Variants in CCHCR1 observed in about 807,000 individuals in gnomAD.
CCHCR1 encodes the protein HCR (a-helix coiled-coil rod homologue).
In CCHCR1, 91 loss-of-function variants were observed where a neutral mutation model predicts 114.6. That is an observed-to-expected ratio of 0.79 (90% confidence interval 0.67 to 0.94). The LOEUF (loss-of-function observed/expected upper bound fraction) is 0.94. Ranked by LOEUF, CCHCR1 falls within the 40% of genes least tolerant of loss-of-function variation. The probability of loss-of-function intolerance (pLI) is 0.00; values close to 1 mark genes in which losing one functional copy is unlikely to be tolerated. For missense variants in CCHCR1, 899 were observed against 1,079.9 expected (o/e 0.83, Z 2.35); for synonymous variants, 379 against 428.5 (o/e 0.88, Z 1.43).
chr6:31,148,654 T>C lies in CCHCR1; in HGVS notation c.1437A>G (p.Lys479=). 3.7e-6 allele frequency: 6 copies of C among 1,612,910 alleles called. No homozygotes were observed. Among genetic ancestry groups the C allele is most frequent in the Non-Finnish European group, 4.2e-6 (5 of 1,179,926 alleles). ...QAILQRSLQD[K]AAEVEVERMG... Reference sequence around the variant, plus strand: ...TACGCTCCACCTCCACCTCTGCGGCTTTGTCCTGCAGGGATCGCTGCAGGA... The same window carrying C: ...TACGCTCCACCTCCACCTCTGCGGCCTTGTCCTGCAGGGATCGCTGCAGGA... The change falls in exon 9 of 18, where the codon AAA becomes AAG. Residue 479 remains lysine, a synonymous_variant. Coordinates refer to ENST00000396268, the MANE Select transcript of CCHCR1 (RefSeq NM_001105564.2).
chr6:31,156,030 G>T (rs189701237), intron 3 of CCHCR1, among the ~76,000 whole-genome samples: 1 of 152,314 alleles, frequency 6.6e-6, no homozygotes, highest in African/African-American at 2.4e-5. Flanking sequence ...TCCTGCCTCA[G>T]CTCCCAAAGT....
At chr6:31,148,857 G>GGGGGGGGGGGGGGGGC in intron 8 of CCHCR1, 129 bp from the exon 9 acceptor site, 3 of 84,498 alleles carry the variant, frequency 3.6e-5, no homozygotes, top group Non-Finnish European at 4.8e-5. Flanking sequence ...GGGGGGGCGG[G>GGGGGGGGGGGGGGGGC]CGACGGGGGT....
Position 31,156,745 on chromosome 6 carries a change from T to C in CCHCR1, c.483A>G (p.Pro161=), listed in dbSNP as rs113464103. 2 of 1,612,312 alleles carry C rather than the reference T, an allele frequency of 1.2e-6. No individual in the cohort carries two copies. Among genetic ancestry groups the C allele is most frequent in the African/African-American group, 2.7e-5 (2 of 74,890 alleles). ...ERDVSSDRQE[P]GRRGRSWGLE... is the part of the protein sequence containing the mutation. ...TGGATCCCTACCTGCCTCTCCGCCC[T>C]GGCTCCTGCCTGTCACTGGAAACAT... Residue 161 remains proline, a synonymous_variant, in exon 3 of 18, where the codon CCA becomes CCG. Coordinates refer to ENST00000396268, the MANE Select transcript of CCHCR1 (RefSeq NM_001105564.2).
At chr6:31,145,868 G>T in intron 10 of CCHCR1, 60 bp from the exon 11 acceptor site, 1 of 1,039,936 alleles carries the variant, frequency 9.6e-7, no homozygotes, top group Non-Finnish European at 1.5e-6. Flanking sequence ...AGGACTTGCT[G>T]TGCCTTGTAT....
At chr6:31,147,087 C>T (rs1774437608) in intron 10 of CCHCR1, among the ~76,000 whole-genome samples, 1 of 152,122 alleles carries the variant, frequency 6.6e-6, no homozygotes, top group Admixed American at 6.6e-5. Context: ...TAAACATTTA[C>T]AAGCCAGAGA....
Position 31,143,523 on chromosome 6 carries a change from G to C in CCHCR1, c.2168-110C>G. The C allele has an allele frequency of 8.5e-7, 1 of 1,171,022 alleles. No homozygotes were observed. Among genetic ancestry groups the C allele is most frequent in the Non-Finnish European group, 1.2e-6 (1 of 828,998 alleles). 72.5% of individuals were successfully genotyped at this position (1,171,022 alleles called of 1,614,324 possible). On this transcript the variant is annotated intron_variant, in intron 15 of 17. Transcript: ENST00000396268. The surrounding 1 kb of genome is among the most constrained non-coding windows in gnomAD (Gnocchi z 5.3). ...GGTCACCAACTCTGTGGCTTGGGGA[G>C]GCTGTTCTGCTCTGTGGATCTGTCT...
Position 31,144,749 on chromosome 6 carries a change from C to T in CCHCR1, c.2105G>A (p.Arg702Gln), listed in dbSNP as rs111409280. The change falls in exon 15 of 18, where the codon CGG (arginine) becomes CAG (glutamine). Residue 702 changes from arginine to glutamine, a missense_variant. By Grantham distance (43) the Arg-to-Gln change is conservative. Coordinates refer to ENST00000396268, the MANE Select transcript of CCHCR1 (RefSeq NM_001105564.2). The surrounding 1 kb of genome is among the most constrained non-coding windows in gnomAD (Gnocchi z 4.6). ...CCTCTCTGTGTCTGAGAGTTGCTCC[C>T]GCAGCCGAGTTTCCACTTCAGCCAC... is the stretch of plus-strand genomic sequence containing the variant. ...EKVAEVETRL[R>Q]EQLSDTERRL... 4.2e-4 allele frequency: 683 copies of T among 1,613,972 alleles called. 3 individuals carry two copies. Among genetic ancestry groups the T allele is most frequent in the African/African-American group, 2.6e-3 (195 of 75,018 alleles).
In CCHCR1 at chr6:31,142,496, G is replaced by C; in HGVS notation, c.*96C>G. The C allele has an allele frequency of 8.3e-7, 1 of 1,206,252 alleles. No individual in the cohort carries two copies. The highest frequency in any genetic ancestry group is 1.2e-6 in the Non-Finnish European group (1 of 852,570). The allele number at this position is 1,206,252 out of a possible 1,614,324, so 74.7% of individuals were successfully genotyped here. ...TTCAGACTCAGCTGGTATCCCCCAG[G>C]GCAACCCCAGGATGGGGAAGGGCTG... On this transcript the variant is annotated 3_prime_UTR_variant, in exon 18 of 18. Coordinates refer to ENST00000396268, the MANE Select transcript of CCHCR1 (RefSeq NM_001105564.2).
chr6:31,154,616 G>A lies in CCHCR1; in HGVS notation c.681C>T (p.Ala227=), dbSNP rs753814781. ...GCAGGCCCTCAGCCTCAGCTCGGCC[G>A]GCCTTCTCCGCCCGTGCCAGAGCCT... ...ELEALARAEK[A]GRAEAEGLRA... The change falls in exon 4 of 18, where the codon GCC becomes GCT. Residue 227 remains alanine, a synonymous_variant. Coordinates refer to ENST00000396268, the MANE Select transcript of CCHCR1 (RefSeq NM_001105564.2). The surrounding 1 kb of genome is among the most constrained non-coding windows in gnomAD (Gnocchi z 4.1). The A allele has an allele frequency of 8.1e-6, 13 of 1,612,914 alleles. No homozygotes were observed. Among genetic ancestry groups the A allele is most frequent in the South Asian group, 6.6e-5 (6 of 91,090 alleles).
chr6:31,150,755 C>T lies in CCHCR1; in HGVS notation c.1071G>A (p.Leu357=), dbSNP rs41315934. 1.6e-5 allele frequency: 26 copies of T among 1,612,908 alleles called. No homozygotes were observed. Among genetic ancestry groups the T allele is most frequent in the Non-Finnish European group, 2.2e-5 (26 of 1,179,996 alleles). ...TGGTTTCCAGAAGCTTCTGTCGCTCCAGTTCCCATGTCTGGCTGTGGACCT... is the reference window on the plus strand; with the variant it reads ...TGGTTTCCAGAAGCTTCTGTCGCTCTAGTTCCCATGTCTGGCTGTGGACCT... The part of the protein sequence containing the change: ...PSEVHSQTWE[L]ERQKLLETMQ... The change falls in exon 6 of 18, where the codon CTG becomes CTA. Residue 357 remains leucine, a synonymous_variant. Coordinates refer to ENST00000396268, the MANE Select transcript of CCHCR1 (RefSeq NM_001105564.2). The surrounding 1 kb of genome is among the most constrained non-coding windows in gnomAD (Gnocchi z 5.3).
rs563059803 is a variant in CCHCR1, at chr6:31,151,667, C to T, written c.802-545G>A. On this transcript the variant is annotated intron_variant, in intron 4 of 17. Coordinates refer to ENST00000396268, the MANE Select transcript of CCHCR1 (RefSeq NM_001105564.2). This position sits in a 1 kb window ranked among gnomAD's most constrained non-coding sequence, Gnocchi z 4.1. ...TACCGTCCCTCCCCACCCTACTCTG[C>T]CCCATCAGCTGTTCACGTCCTCCTG... Among the ~76,000 whole-genome samples the T allele has an allele frequency of 2.0e-5, 3 of 152,336 alleles. No individual in the cohort carries two copies. Among genetic ancestry groups the T allele is most frequent in the Admixed American group, 2.0e-4 (3 of 15,300 alleles).
chr6:31,150,510 C>T lies in CCHCR1; in HGVS notation c.1157G>A (p.Arg386Gln), dbSNP rs748683512. Residue 386 changes from arginine to glutamine, a missense_variant, in exon 7 of 18, where the codon CGG (arginine) becomes CAG (glutamine). Arg to Gln is a conservative substitution (Grantham distance 43). Coordinates refer to ENST00000396268, the MANE Select transcript of CCHCR1 (RefSeq NM_001105564.2). The surrounding 1 kb of genome is among the most constrained non-coding windows in gnomAD (Gnocchi z 5.3). ...LHATAELLQV[R>Q]VQSLTHILAL... Reference sequence around the variant, plus strand: ...GAGGATGTGTGTGAGGCTCTGCACCCGCACCTGCAGCAGCTCCGCGGTGGC... The same window carrying T: ...GAGGATGTGTGTGAGGCTCTGCACCTGCACCTGCAGCAGCTCCGCGGTGGC... 5 of 1,612,568 alleles carry T rather than the reference C, an allele frequency of 3.1e-6. No homozygotes were observed. Among genetic ancestry groups the T allele is most frequent in the South Asian group, 1.1e-5 (1 of 91,070 alleles).
In CCHCR1 at chr6:31,144,637, T is replaced by C. The variant is rs766963040; in HGVS notation, c.2167+50A>G. ...GAGGGGAAAATAATAACCTTATGTC[T>C]TAACACTTCCTTCTTCCTGGAAGGC... On this transcript the variant is annotated intron_variant, in intron 15 of 17. Coordinates refer to ENST00000396268, the MANE Select transcript of CCHCR1 (RefSeq NM_001105564.2). The surrounding 1 kb of genome is among the most constrained non-coding windows in gnomAD (Gnocchi z 4.6). 8.3e-7 allele frequency: 1 copy of C among 1,205,278 alleles called. No homozygotes were observed. The highest frequency in any genetic ancestry group is 1.2e-6 in the Non-Finnish European group (1 of 829,560). 74.7% of individuals were successfully genotyped at this position (1,205,278 alleles called of 1,614,324 possible). A position where few individuals can be genotyped will look rare whatever the true frequency, so the allele number is the denominator to read the frequency against.
rs1254859461 is a variant in CCHCR1, at chr6:31,157,004, C to T, written c.283+19G>A. ...CCAGGCAGAGACAACCACCACTCCC[C>T]TTGTCTGGTCCCACTGACCTGAAGG... On this transcript the variant is annotated intron_variant, in intron 2 of 17. Transcript: ENST00000396268. 6.8e-6 allele frequency: 11 copies of T among 1,611,136 alleles called. No individual in the cohort carries two copies. The highest frequency in any genetic ancestry group is 1.7e-5 in the Admixed American group (1 of 59,984).
Position 31,143,143 on chromosome 6 carries a change from G to A in CCHCR1, c.2320-9C>T, listed in dbSNP as rs1773782420. 1 of 1,612,614 alleles carries A rather than the reference G, an allele frequency of 6.2e-7. No individual in the cohort carries two copies. The highest frequency in any genetic ancestry group is 1.3e-5 in the African/African-American group (1 of 74,896). ...TCCTGCTGCAAGGTGGCCTGGGAAG[G>A]AGAGGGTTAAACCTAGCCCGGATAG... On this transcript the variant is annotated splice_polypyrimidine_tract_variant and intron_variant, in intron 16 of 17. Coordinates refer to ENST00000396268, the MANE Select transcript of CCHCR1 (RefSeq NM_001105564.2). The surrounding 1 kb of genome is among the most constrained non-coding windows in gnomAD (Gnocchi z 5.3).
At position 31,144,700 on chromosome 6, in the gene CCHCR1, C is replaced by T; in HGVS notation, c.2154G>A (p.Glu718=). 6.2e-7 allele frequency: 1 copy of T among 1,609,402 alleles called. No homozygotes were observed. Among genetic ancestry groups the T allele is most frequent in the Non-Finnish European group, 8.5e-7 (1 of 1,176,588 alleles). ...TERRLNEARR[E]HAKAVVSLRQ... ...GGCAAGGCTCACCGGCCTTGGCATG[C>T]TCCCTCCGAGCCTCGTTCAGCCTCC... Residue 718 remains glutamate, a synonymous_variant, in exon 15 of 18, where the codon GAG becomes GAA. Transcript: ENST00000396268. The surrounding 1 kb of genome is among the most constrained non-coding windows in gnomAD (Gnocchi z 4.6).
chr6:31,153,427 T>C (rs1341370136), intron 4 of CCHCR1, among the ~76,000 whole-genome samples: 1 of 152,198 alleles, frequency 6.6e-6, no homozygotes, highest in Non-Finnish European at 1.5e-5. Flanking sequence ...GCTTTTTTTT[T>C]TCTTTTTGGC....
chr6:31,157,630 G>C lies in CCHCR1; in HGVS notation c.-30C>G, dbSNP rs12529697. 1.2e-5 allele frequency: 19 copies of C among 1,569,908 alleles called. 1 individual carries two copies. The South Asian group carries it at 1.8e-4, about 15-fold the overall frequency. On this transcript the variant is annotated 5_prime_UTR_variant, in exon 1 of 18. Transcript: ENST00000396268. ...GGCTAGACCCTCCCCAAGACCTTGG[G>C]AATCCAGGCCGCCTAGATCCCCAGG...
In CCHCR1 at chr6:31,157,480, C is replaced by A. The variant is rs72856718; in HGVS notation, c.121G>T (p.Glu41Ter). 0.08 allele frequency: 129,510 copies of A among 1,612,902 alleles called. 6,089 individuals carry two copies. The highest frequency in any genetic ancestry group is 0.15 in the Admixed American group (8,796 of 60,008). ...GGTCTTGAGCGCCATCTCCAGAGTT[C>A]TCTCCATGGCTCAGCAAGGCCTGAG... ...LPSGLAEPWR[E>*]LWRWRSRPLH... Residue 41 changes from glutamate to a stop codon, truncating the protein, a stop_gained, in exon 1 of 18, where the codon GAA becomes TAA. Transcript: ENST00000396268. LOFTEE classifies it high-confidence loss of function.
Sources: allele counts gnomAD v4.1 joint callset (sites outside exome capture counted in the v4.1 genomes callset), GRCh38; gene constraint gnomAD v4.1.1; non-coding constraint Gnocchi (gnomAD v3.1); transcripts MANE v1.5; gene names NCBI Gene and HGNC (gene_info 2026-07-23, HGNC 2026-07-21).